Variants in PLCB1 observed in about 807,000 individuals in gnomAD.
PLCB1 encodes the protein 1-phosphatidylinositol 4,5-bisphosphate phosphodiesterase beta-1.
In PLCB1, 46 loss-of-function variants were observed where a neutral mutation model predicts 161.8. That is an observed-to-expected ratio of 0.28 (90% CI 0.22 to 0.36). PLCB1 has a LOEUF of 0.36. PLCB1 is among the 10% of genes least tolerant of loss of function. The pLI is 1.00. For missense variants in PLCB1, 1,016 were observed against 1,472.5 expected (o/e 0.69, Z 5.07); for synonymous variants, 517 against 503.7 (o/e 1.03, Z -0.35).
At chr20:8,243,016 A>G (rs1980699006) in intron 2 of PLCB1, among the ~76,000 whole-genome samples, 1 of 151,990 alleles carries the variant, frequency 6.6e-6, no homozygotes, top group African/African-American at 2.4e-5. Flanking sequence ...CAGTAGCCTC[A>G]AATCTAAATT....
intron 9 of PLCB1, among the ~76,000 whole-genome samples, chr20:8,662,831 G>C (rs1482899732): frequency 1.3e-5 from 2 of 151,796 alleles, no homozygotes; most frequent in African/African-American, 4.8e-5. Flanking sequence ...TCCTGTAGGG[G>C]ACAGTTCATG....
At chr20:8,785,806 A>G in intron 27 of PLCB1, among the ~76,000 whole-genome samples, 1 of 152,214 alleles carries the variant, frequency 6.6e-6, no homozygotes, top group East Asian at 1.9e-4. Context: ...GGGAAACAGC[A>G]CATGTGAGCA....
At chr20:8,236,285 A>G (rs1444407478) in intron 2 of PLCB1, among the ~76,000 whole-genome samples, 3 of 152,094 alleles carry the variant, frequency 2.0e-5, no homozygotes, top group Admixed American at 1.3e-4. Flanking sequence ...AATCCCAGTA[A>G]TTTAGGAGGC....
At chr20:8,182,242 T>C (rs1223921864) in intron 2 of PLCB1, among the ~76,000 whole-genome samples, 1 of 152,190 alleles carries the variant, frequency 6.6e-6, no homozygotes, top group Non-Finnish European at 1.5e-5. Context: ...TAATATTCCC[T>C]TTCCTGTGGC....
At chr20:8,639,650 A>T (rs908758573) in intron 4 of PLCB1, among the ~76,000 whole-genome samples, 1 of 151,698 alleles carries the variant, frequency 6.6e-6, no homozygotes, top group African/African-American at 2.4e-5. Flanking sequence ...GAAAATGGAT[A>T]TTTTTTTTTC....
chr20:8,666,230 C>G (rs1246551007), intron 9 of PLCB1, among the ~76,000 whole-genome samples: 1 of 152,172 alleles, frequency 6.6e-6, no homozygotes, highest in Non-Finnish European at 1.5e-5. Context: ...GCTGCCTTTC[C>G]TTCTTGTCTC....
rs184001303 is a variant in PLCB1, at chr20:8,533,025, C to T, written c.247-95269C>T. Among the ~76,000 whole-genome samples the T allele has an allele frequency of 2.2e-3, 328 of 148,426 alleles. 6 individuals are homozygous for T. Among genetic ancestry groups the T allele is most frequent in the East Asian group, 0.018 (91 of 4,994 alleles). ...CTATCCCTCCCCCCTCCCCCTACCCCACAATAGTCCCCAGAGTGTGATGTT... is the reference window on the plus strand; with the variant it reads ...CTATCCCTCCCCCCTCCCCCTACCCTACAATAGTCCCCAGAGTGTGATGTT... On this transcript the variant is annotated intron_variant, in intron 3 of 31. Coordinates refer to ENST00000338037, the MANE Select transcript of PLCB1 (RefSeq NM_015192.4).
At chr20:8,382,915 A>T (rs112496297) in intron 3 of PLCB1, among the ~76,000 whole-genome samples, 1 of 152,094 alleles carries the variant, frequency 6.6e-6, no homozygotes, top group African/African-American at 2.4e-5. Context: ...TTATGATTTC[A>T]GTACTTTTGC....
At position 8,437,708 on chromosome 20, in the gene PLCB1, G is replaced by A. The variant is rs1980372021; in HGVS notation, c.246+66258G>A. ...ATGGCTATCAAAAATGTGCACCAGA[G>A]TGGCAAAGAAAAATTCCCTATTCAA... On this transcript the variant is annotated intron_variant, in intron 3 of 31. Coordinates refer to ENST00000338037, the MANE Select transcript of PLCB1 (RefSeq NM_015192.4). Among the ~76,000 whole-genome samples, 5 of 152,134 alleles carry A rather than the reference G, an allele frequency of 3.3e-5. No homozygotes were observed. The South Asian group carries it at 1.0e-3, about 32-fold the overall frequency.
chr20:8,481,587 T>G (rs1982499940), intron 3 of PLCB1, among the ~76,000 whole-genome samples: 1 of 152,192 alleles, frequency 6.6e-6, no homozygotes, highest in Non-Finnish European at 1.5e-5. Context: ...TTAGTTCATT[T>G]TTTGTAAATT....
At chr20:8,470,801 T>A (rs1029501924) in intron 3 of PLCB1, among the ~76,000 whole-genome samples, 1 of 152,116 alleles carries the variant, frequency 6.6e-6, no homozygotes, top group African/African-American at 2.4e-5. Flanking sequence ...ATTTTTTAAT[T>A]TTTTTTTCTT....
intron 31 of PLCB1, among the ~76,000 whole-genome samples, chr20:8,859,507 C>T (rs6133635): frequency 2.1e-4 from 32 of 151,946 alleles, no homozygotes; most frequent in African/African-American, 6.5e-4. Flanking sequence ...TCTGCTCTCC[C>T]GCACAGCTGA....
chr20:8,541,604 G>GAAAGAAAGAAAGAAAT (rs1555769075), intron 3 of PLCB1, among the ~76,000 whole-genome samples: 1 of 149,474 alleles, frequency 6.7e-6, no homozygotes, highest in Admixed American at 6.7e-5. Context: ...AAGAAAGAAA[G>GAAAGAAAGAAAGAAAT]AAAGGAAGGA....
chr20:8,524,438 T>TA (rs1157247145), intron 3 of PLCB1, among the ~76,000 whole-genome samples: 1 of 152,172 alleles, frequency 6.6e-6, no homozygotes, highest in Non-Finnish European at 1.5e-5. Context: ...TTCGTTTTGC[T>TA]AATCGGTCAT....
At chr20:8,356,069 C>A (rs1293953526) in intron 2 of PLCB1, among the ~76,000 whole-genome samples, 2 of 152,024 alleles carry the variant, frequency 1.3e-5, no homozygotes, top group African/African-American at 4.8e-5. Context: ...TACTGAAATT[C>A]TCTCTCTCTT....
intron 2 of PLCB1, among the ~76,000 whole-genome samples, chr20:8,345,767 G>A (rs2663003): frequency 0.012 from 1,869 of 152,324 alleles, 39 homozygotes; most frequent in African/African-American, 0.042. Context: ...AAGATGTGCT[G>A]GGTGAAAGCC....
intron 2 of PLCB1, among the ~76,000 whole-genome samples, chr20:8,204,000 G>A (rs6055643): frequency 1.3e-5 from 2 of 152,048 alleles, no homozygotes; most frequent in Admixed American, 1.3e-4. Context: ...GGTCACCTCA[G>A]GATAACCTAC....
At chr20:8,548,556 A>G (rs968008134) in intron 3 of PLCB1, among the ~76,000 whole-genome samples, 3 of 141,182 alleles carry the variant, frequency 2.1e-5, no homozygotes, top group African/African-American at 7.9e-5. Flanking sequence ...TTTTTCTTCT[A>G]TTATCTACTA....
At chr20:8,679,434 G>A (rs1402981689) in intron 9 of PLCB1, among the ~76,000 whole-genome samples, 5 of 152,168 alleles carry the variant, frequency 3.3e-5, no homozygotes, top group Non-Finnish European at 7.4e-5. Flanking sequence ...CCTGAGTGTA[G>A]AGGAGGCATC....
Sources: allele counts gnomAD v4.1 joint callset (sites outside exome capture counted in the v4.1 genomes callset), GRCh38; gene constraint gnomAD v4.1.1; transcripts MANE v1.5; gene names NCBI Gene and HGNC (gene_info 2026-07-23, HGNC 2026-07-21).